The following RFX8 variants were observed in gnomAD, a reference collection of about 807,000 sequenced individuals.
The protein encoded by RFX8 is regulatory factor X8.
In RFX8, 46 loss-of-function variants were observed where a neutral mutation model predicts 54.6. The observed-to-expected ratio is 0.84, with a 90% CI of 0.67 to 1.08. The LOEUF (loss-of-function observed/expected upper bound fraction) is 1.08, where lower values mean the gene tolerates loss of function less well. Among genes scored for constraint, RFX8 ranks in the 50% least tolerant of loss-of-function variants. The probability of loss-of-function intolerance (pLI) is 0.00; values close to 1 mark genes in which losing one functional copy is unlikely to be tolerated. For synonymous variants in RFX8, 192 were observed against 209.5 expected (o/e 0.92, Z 0.72); for missense variants, 536 against 562.3 (o/e 0.95, Z 0.47).
intron 7 of RFX8, among the ~76,000 whole-genome samples, chr2:101,414,626 C>A (rs1229911606): frequency 6.6e-6 from 1 of 152,006 alleles, no homozygotes; most frequent in African/African-American, 2.4e-5. Context: ...CTGAGAGAGC[C>A]AGGAGATTGG....
intron 2 of RFX8, among the ~76,000 whole-genome samples, chr2:101,437,374 A>G (rs1687837148): frequency 6.6e-6 from 1 of 152,004 alleles, no homozygotes. Flanking sequence ...GGAGTTCAAG[A>G]CCAGTGTGGA....
At chr2:101,400,488 T>C (rs1180965513) in intron 11 of RFX8, among the ~76,000 whole-genome samples, 1 of 152,046 alleles carries the variant, frequency 6.6e-6, no homozygotes, top group East Asian at 1.9e-4. Context: ...TCCCATCCAT[T>C]GACCCCCACC....
intron 10 of RFX8, among the ~76,000 whole-genome samples, chr2:101,404,340 G>GA (rs2104520842): frequency 6.6e-6 from 1 of 152,302 alleles, no homozygotes; most frequent in South Asian, 2.1e-4. Context: ...TCCAAGTCCT[G>GA]AAACCATTGT....
intron 1 of RFX8, 62 bp from the exon 2 acceptor site, chr2:101,466,962 T>C (rs1247970959): frequency 1.4e-6 from 1 of 737,832 alleles, no homozygotes; most frequent in Non-Finnish European, 2.4e-6. Flanking sequence ...CAAAATATTT[T>C]GACAAAATCA....
At position 101,458,918 on chromosome 2, in the gene RFX8, C is replaced by T. The variant is rs376409567; in HGVS notation, c.72+7859G>A. On this transcript the variant is annotated intron_variant, in intron 2 of 11. Transcript: ENST00000428343. ...GCGGCTTTGTTCATTTCTTGTTACT[C>T]TTTTTTCTCTAATCTTGTCTTTTCA... 2.6e-5 allele frequency among the ~76,000 whole-genome samples: 4 copies of T among 152,252 alleles called. No individual in the cohort carries two copies. In the South Asian group the frequency reaches 8.3e-4, roughly 32 times the overall value.
At chr2:101,419,192 A>G (rs981737574) in intron 4 of RFX8, among the ~76,000 whole-genome samples, 3 of 152,162 alleles carry the variant, frequency 2.0e-5, no homozygotes, top group Non-Finnish European at 4.4e-5. Flanking sequence ...AACATTATTA[A>G]TATTTTCTTG....
chr2:101,466,221 C>T (rs1210071812), intron 2 of RFX8, among the ~76,000 whole-genome samples: 1 of 150,962 alleles, frequency 6.6e-6, no homozygotes, highest in South Asian at 2.1e-4. Context: ...AGGCAGGAGG[C>T]TCATTTGAAC....
At chr2:101,462,828 T>C (rs754232530) in intron 2 of RFX8, among the ~76,000 whole-genome samples, 31 of 152,222 alleles carry the variant, frequency 2.0e-4, no homozygotes, top group Non-Finnish European at 4.1e-4. Flanking sequence ...TCTGCCTGTG[T>C]GTCTGTCTAT....
chr2:101,428,586 A>T (rs1425438275), intron 2 of RFX8, among the ~76,000 whole-genome samples: 1 of 152,218 alleles, frequency 6.6e-6, no homozygotes, highest in Non-Finnish European at 1.5e-5. Context: ...AAATCAACTC[A>T]TGATGTCATA....
chr2:101,406,507 TG>T lies in RFX8; in HGVS notation c.814-451del, dbSNP rs541231103. ...CCACTGCACATGACTAATTTAATTT[TG>T]GGGGGGAGGGTGGGTAGAGATAAGG... On this transcript the variant is annotated intron_variant, in intron 9 of 11. Transcript: ENST00000428343. Among the ~76,000 whole-genome samples, 32 of 64,962 alleles carry T rather than the reference TG, an allele frequency of 4.9e-4. No homozygotes were observed. In the East Asian group the frequency reaches 0.017, roughly 34 times the overall value. 42.6% of individuals were successfully genotyped at this position (64,962 alleles called of 152,430 possible).
intron 2 of RFX8, among the ~76,000 whole-genome samples, chr2:101,449,687 G>T (rs991440337): frequency 6.6e-6 from 1 of 152,148 alleles, no homozygotes; most frequent in Non-Finnish European, 1.5e-5. Context: ...AGGGAGGAAT[G>T]CCTAGGAGGT....
At chr2:101,474,323 C>A (rs1309619497) in intron 1 of RFX8, 1 of 462,260 alleles carries the variant, frequency 2.2e-6, no homozygotes, top group Non-Finnish European at 3.8e-6. Flanking sequence ...GAGCGGCGGC[C>A]GTGGGCGGCG....
chr2:101,408,581 G>A lies in RFX8; in HGVS notation c.813+2038C>T, dbSNP rs544373757. ...CTGTCTGTGAGGATGTATAATATAA[G>A]CCTTCAGCTAGCAAATGAATAAATG... On this transcript the variant is annotated intron_variant, in intron 9 of 11. Transcript: ENST00000428343. Among the ~76,000 whole-genome samples, 112 of 152,280 alleles carry A rather than the reference G, an allele frequency of 7.4e-4. 1 individual carries two copies. Among genetic ancestry groups the A allele is most frequent in the African/African-American group, 2.7e-3 (111 of 41,562 alleles).
At chr2:101,456,739 A>G (rs1444411453) in intron 2 of RFX8, among the ~76,000 whole-genome samples, 5 of 152,276 alleles carry the variant, frequency 3.3e-5, no homozygotes, top group East Asian at 1.9e-4. Flanking sequence ...AAAATGAGTT[A>G]GGGAAGATTC....
intron 2 of RFX8, among the ~76,000 whole-genome samples, chr2:101,457,282 C>T (rs1036487636): frequency 4.6e-5 from 7 of 152,086 alleles, no homozygotes; most frequent in Non-Finnish European, 1.0e-4. Context: ...TTCTCTAGTT[C>T]TTTTAATTGT....
At chr2:101,405,338 G>C (rs1685669481) in intron 10 of RFX8, among the ~76,000 whole-genome samples, 1 of 151,852 alleles carries the variant, frequency 6.6e-6, no homozygotes, top group Non-Finnish European at 1.5e-5. Context: ...GTAGAGACAG[G>C]GTTTCACCAT....
Position 101,414,904 on chromosome 2 carries a change from G to C in RFX8, c.511C>G (p.Leu171Val), listed in dbSNP as rs1187603553. The C allele has an allele frequency of 1.3e-6, 2 of 1,549,692 alleles. No individual in the cohort carries two copies. The highest frequency in any genetic ancestry group is 1.2e-5 in the South Asian group (1 of 84,030). The part of the protein sequence containing the change: ...LQISKLKEVT[L>V]FVKRLRRKTY... The stretch of plus-strand genomic sequence containing the variant: ...TTTCTTCTTAGTCTTTTGACAAATA[G>C]AGTAACTTCTGTTAAGAACAACACA... The change falls in exon 7 of 12, where the codon CTA becomes GTA. Residue 171 changes from leucine (L) to valine (V), a missense_variant. Coordinates refer to ENST00000428343, the MANE Select transcript of RFX8 (RefSeq NM_001145664.2).
In RFX8 at chr2:101,418,084, G is replaced by T. The variant is rs559638995; in HGVS notation, c.352-400C>A. Among the ~76,000 whole-genome samples, 4 of 152,100 alleles carry T rather than the reference G, an allele frequency of 2.6e-5. No individual in the cohort carries two copies. The East Asian group carries it at 7.8e-4, about 29-fold the overall frequency. On this transcript the variant is annotated intron_variant, in intron 5 of 11. Coordinates refer to ENST00000428343, the MANE Select transcript of RFX8 (RefSeq NM_001145664.2). ...TTTTTGTATTTTTAGTAGAGACGGG[G>T]TTTAACCATCTTGGCCAGGCTGGTC...
intron 9 of RFX8, among the ~76,000 whole-genome samples, chr2:101,408,427 G>A (rs1332227215): frequency 6.6e-6 from 1 of 151,644 alleles, no homozygotes; most frequent in Non-Finnish European, 1.5e-5. Context: ...GGAGCCTGCA[G>A]TGAGCCGAGA....
Sources: allele counts gnomAD v4.1 joint callset (sites outside exome capture counted in the v4.1 genomes callset), GRCh38; gene constraint gnomAD v4.1.1; transcripts MANE v1.5; gene names NCBI Gene and HGNC (gene_info 2026-07-23, HGNC 2026-07-21).